ACTR3C: variants seen among roughly 807,000 people sequenced by gnomAD.
ACTR3C encodes the protein actin related protein 3C, also known as actin-related protein 3C.
ACTR3C carries 18 observed loss-of-function variants against 26.3 expected under a neutral mutation model. That is an observed-to-expected ratio of 0.68 (90% CI 0.47 to 1.01). The LOEUF (loss-of-function observed/expected upper bound fraction) is 1.01. ACTR3C is among the 50% of genes least tolerant of loss of function. The pLI is 0.00. For missense variants in ACTR3C, 184 were observed against 250.7 expected (o/e 0.73, Z 1.80); for synonymous variants, 55 against 94.5 (o/e 0.58, Z 2.42).
downstream of ACTR3C, among the ~76,000 whole-genome samples, chr7:150,242,941 G>A (rs965510101): frequency 4.6e-5 from 7 of 152,204 alleles, no homozygotes; most frequent in African/African-American, 1.7e-4. Flanking sequence ...AAGAAAAGCT[G>A]TAAATATGTT....
At chr7:150,265,078 T>C (rs1312398470) in intron 6 of ACTR3C, among the ~76,000 whole-genome samples, 1 of 152,084 alleles carries the variant, frequency 6.6e-6, no homozygotes, top group Non-Finnish European at 1.5e-5. Flanking sequence ...ATAAAATTTA[T>C]CCTCAGAAAA....
At chr7:150,026,859 C>T in the ACTR3C span, among the ~76,000 whole-genome samples, 4 of 152,222 alleles carry the variant, frequency 2.6e-5, no homozygotes, top group African/African-American at 9.6e-5. Context: ...TAACTGATCA[C>T]ATAAAACACT....
intron 6 of ACTR3C, among the ~76,000 whole-genome samples, chr7:150,262,423 T>A (rs1307248387): frequency 6.6e-6 from 1 of 152,288 alleles, no homozygotes; most frequent in Non-Finnish European, 1.5e-5. Flanking sequence ...TTTTTTTTTC[T>A]CTAAACCGAG....
At chr7:150,196,338 T>C in the ACTR3C span, among the ~76,000 whole-genome samples, 2 of 152,256 alleles carry the variant, frequency 1.3e-5, no homozygotes, top group Non-Finnish European at 2.9e-5. Flanking sequence ...GTAAAAATTC[T>C]ATTAATCCAT....
At chr7:149,969,749 T>C in the ACTR3C span, among the ~76,000 whole-genome samples, 1 of 152,214 alleles carries the variant, frequency 6.6e-6, no homozygotes, top group Non-Finnish European at 1.5e-5. Flanking sequence ...TAGTATAAAA[T>C]GCCCAAACCA....
the ACTR3C span, among the ~76,000 whole-genome samples, chr7:150,219,665 T>TG: frequency 7.2e-6 from 1 of 139,088 alleles, no homozygotes; most frequent in East Asian, 2.0e-4. Flanking sequence ...AGTGAGGTTC[T>TG]GCCAGAATTC....
the ACTR3C span, among the ~76,000 whole-genome samples, chr7:150,110,669 A>G: frequency 2.6e-5 from 1 of 38,518 alleles, no homozygotes; most frequent in African/African-American, 1.3e-4. Flanking sequence ...AAACTGTCTG[A>G]GGGCGGGGAT....
At chr7:150,087,143 GT>G in the ACTR3C span, among the ~76,000 whole-genome samples, 2 of 128,718 alleles carry the variant, frequency 1.6e-5, no homozygotes, top group South Asian at 2.5e-4. Context: ...GTTGTATGTT[GT>G]TTTTTTTTAA....
chr7:150,258,093 T>C (rs1439372282), intron 6 of ACTR3C, among the ~76,000 whole-genome samples: 3 of 152,184 alleles, frequency 2.0e-5, no homozygotes, highest in Non-Finnish European at 4.4e-5. Flanking sequence ...CCAAGAAGAA[T>C]GCTGCTTAAC....
chr7:150,045,832 A>C, the ACTR3C span, among the ~76,000 whole-genome samples: 4 of 152,272 alleles, frequency 2.6e-5, no homozygotes, highest in African/African-American at 4.8e-5. Context: ...CCTGTTGAGA[A>C]AAAAACTGCA....
the ACTR3C span, among the ~76,000 whole-genome samples, chr7:150,085,186 A>C: frequency 6.6e-6 from 1 of 152,140 alleles, no homozygotes; most frequent in Non-Finnish European, 1.5e-5. Flanking sequence ...TCAGATGGGC[A>C]CTTTGAAAAC....
chr7:150,035,785 A>G, the ACTR3C span, among the ~76,000 whole-genome samples: 12 of 131,716 alleles, frequency 9.1e-5, 1 homozygote, highest in African/African-American at 3.4e-4. Flanking sequence ...GGGGTTCCTA[A>G]GAGCCAGTGG....
the ACTR3C span, among the ~76,000 whole-genome samples, chr7:150,042,062 G>T: frequency 9.8e-6 from 1 of 102,508 alleles, no homozygotes; most frequent in African/African-American, 3.3e-5. Context: ...TAAGCCAGGG[G>T]GGGATGAGGG....
At chr7:149,937,056 C>T in the ACTR3C span, among the ~76,000 whole-genome samples, 2 of 152,228 alleles carry the variant, frequency 1.3e-5, no homozygotes, top group African/African-American at 4.8e-5. Context: ...TTCCAAAGTG[C>T]TGGGATTACA....
At chr7:150,190,371 A>C in the ACTR3C span, among the ~76,000 whole-genome samples, 4 of 148,548 alleles carry the variant, frequency 2.7e-5, no homozygotes, top group Non-Finnish European at 5.9e-5. Flanking sequence ...TTCTTTCAAC[A>C]ATTTTAAAAT....
the ACTR3C span, among the ~76,000 whole-genome samples, chr7:149,942,800 A>C: frequency 0.21 from 30,454 of 144,478 alleles, 5,211 homozygotes; most frequent in African/African-American, 0.49. Flanking sequence ...GATCACCAAC[A>C]AATATAGCAA....
chr7:149,979,094 C>T, the ACTR3C span, among the ~76,000 whole-genome samples: 1 of 152,238 alleles, frequency 6.6e-6, no homozygotes, highest in Non-Finnish European at 1.5e-5. Context: ...CAGCATTCTC[C>T]CGTCCACACC....
At chr7:150,064,181 T>C in the ACTR3C span, among the ~76,000 whole-genome samples, 5 of 150,642 alleles carry the variant, frequency 3.3e-5, no homozygotes, top group East Asian at 9.7e-4. Flanking sequence ...TCACAAATGG[T>C]ACAACAAAAA....
chr7:149,930,763 T>C, the ACTR3C span, among the ~76,000 whole-genome samples: 1 of 152,206 alleles, frequency 6.6e-6, no homozygotes, highest in Non-Finnish European at 1.5e-5. Flanking sequence ...ACTCAGCACA[T>C]GAGCCCCACA....
Sources: allele counts gnomAD v4.1 joint callset (sites outside exome capture counted in the v4.1 genomes callset), GRCh38; gene constraint gnomAD v4.1.1; transcripts MANE v1.5; gene names NCBI Gene and HGNC (gene_info 2026-07-23, HGNC 2026-07-21).